NELL1: variants seen among roughly 807,000 people sequenced by gnomAD.
NELL1 encodes the protein neural EGFL like 1, also known as protein kinase C-binding protein NELL1.
A neutral mutation model predicts 107.4 loss-of-function variants in NELL1; 76 were observed. The observed-to-expected ratio is 0.71, with a 90% confidence interval of 0.59 to 0.86. The LOEUF is 0.86. Among genes scored for constraint, NELL1 ranks in the 40% least tolerant of loss-of-function variants. The pLI, the probability that NELL1 is intolerant of heterozygous loss-of-function variation, is 0.00. For missense variants in NELL1, 1,024 were observed against 1,005.5 expected, an observed-to-expected ratio of 1.02 and a Z score of -0.25; for synonymous variants, 353 against 341.2, an observed-to-expected ratio of 1.03 and a Z score of -0.38.
intron 12 of NELL1, among the ~76,000 whole-genome samples, chr11:20,967,242 C>T (rs577423493): frequency 6.6e-6 from 1 of 152,068 alleles, no homozygotes; most frequent in Non-Finnish European, 1.5e-5. Flanking sequence ...TCTGTGGAAA[C>T]AAGACCCTGC....
At chr11:20,814,151 A>ACCG (rs1438903008) in intron 3 of NELL1, among the ~76,000 whole-genome samples, 2 of 151,810 alleles carry the variant, frequency 1.3e-5, no homozygotes, top group South Asian at 2.1e-4. Context: ...GCACACCGCC[A>ACCG]CGCCCGGCTA....
intron 13 of NELL1, among the ~76,000 whole-genome samples, chr11:21,203,955 T>C (rs1857330889): frequency 1.3e-5 from 2 of 152,206 alleles, no homozygotes; most frequent in Admixed American, 6.5e-5. Context: ...TCTTCTAGCT[T>C]GTAGGGTTTC....
intron 11 of NELL1, among the ~76,000 whole-genome samples, chr11:20,949,764 G>C (rs1337828339): frequency 1.3e-5 from 2 of 152,196 alleles, no homozygotes; most frequent in Non-Finnish European, 2.9e-5. Flanking sequence ...CCCGTTGCTA[G>C]CAAGCAGTGG....
At chr11:21,107,509 T>C (rs898347428) in intron 12 of NELL1, among the ~76,000 whole-genome samples, 12 of 152,168 alleles carry the variant, frequency 7.9e-5, no homozygotes, top group African/African-American at 2.9e-4. Context: ...GCTATGCTTT[T>C]GTGTGGATAT....
chr11:20,858,002 G>A (rs1313573987), intron 4 of NELL1, among the ~76,000 whole-genome samples: 1 of 152,102 alleles, frequency 6.6e-6, no homozygotes, highest in Non-Finnish European at 1.5e-5. Flanking sequence ...GTAACAGGAC[G>A]GGCTACAGTT....
chr11:20,947,440 G>T lies in NELL1; in HGVS notation c.1171+5G>T. On this transcript the variant is annotated splice_donor_5th_base_variant and intron_variant, in intron 11 of 19. Coordinates refer to ENST00000357134, the MANE Select transcript of NELL1 (RefSeq NM_006157.5). Reference sequence around the variant, plus strand: ...AGTGCTGCCGTGTCTGTAGAGGTAAGTGGGCTTGGTGGTGGGCCATGCGTG... The same window carrying T: ...AGTGCTGCCGTGTCTGTAGAGGTAATTGGGCTTGGTGGTGGGCCATGCGTG... 1 of 1,611,526 alleles carries T rather than the reference G, an allele frequency of 6.2e-7. No homozygotes were observed. The highest frequency in any genetic ancestry group is 1.1e-5 in the South Asian group (1 of 91,012).
intron 13 of NELL1, among the ~76,000 whole-genome samples, chr11:21,212,947 T>C (rs1387559724): frequency 1.3e-5 from 2 of 152,216 alleles, no homozygotes; most frequent in Admixed American, 6.5e-5. Flanking sequence ...CATAATTTTC[T>C]ATGTAGAAAA....
At chr11:21,175,262 G>T (rs952376441) in intron 13 of NELL1, among the ~76,000 whole-genome samples, 1 of 151,638 alleles carries the variant, frequency 6.6e-6, no homozygotes, top group African/African-American at 2.4e-5. Flanking sequence ...TTGTTTGTTT[G>T]GTGTCTGGGC....
intron 12 of NELL1, among the ~76,000 whole-genome samples, chr11:21,105,066 G>A (rs1287317659): frequency 6.6e-6 from 1 of 152,036 alleles, no homozygotes; most frequent in Non-Finnish European, 1.5e-5. Context: ...GAATTTGGGG[G>A]GGACACAGTT....
At chr11:21,276,123 A>G (rs1848851283) in intron 14 of NELL1, among the ~76,000 whole-genome samples, 1 of 152,216 alleles carries the variant, frequency 6.6e-6, no homozygotes, top group African/African-American at 2.4e-5. Context: ...CCCTGTTTGC[A>G]GATGACATGA....
At chr11:21,073,910 T>C (rs1466765670) in intron 12 of NELL1, among the ~76,000 whole-genome samples, 1 of 152,162 alleles carries the variant, frequency 6.6e-6, no homozygotes, top group Non-Finnish European at 1.5e-5. Context: ...TTAAAGAGGC[T>C]TCTTTTAGGC....
At chr11:20,992,708 C>CTTTTTT (rs1852001374) in intron 12 of NELL1, among the ~76,000 whole-genome samples, 1 of 104,946 alleles carries the variant, frequency 9.5e-6, no homozygotes, top group Admixed American at 1.0e-4. Context: ...GCAAAAGTGG[C>CTTTTTT]ATTTTTTTTT....
chr11:21,203,525 G>A (rs934947915), intron 13 of NELL1, among the ~76,000 whole-genome samples: 1 of 150,396 alleles, frequency 6.6e-6, no homozygotes, highest in African/African-American at 2.4e-5. Flanking sequence ...CATGTGATGG[G>A]TCTCCTGAAT....
chr11:20,837,582 G>T (rs1421993612), intron 3 of NELL1, among the ~76,000 whole-genome samples: 3 of 152,064 alleles, frequency 2.0e-5, no homozygotes, highest in Non-Finnish European at 1.5e-5. Context: ...TTGATTTTAG[G>T]ATTGGGTCAG....
intron 12 of NELL1, among the ~76,000 whole-genome samples, chr11:21,097,753 CAG>C (rs1176088197): frequency 6.6e-6 from 1 of 152,096 alleles, no homozygotes; most frequent in Non-Finnish European, 1.5e-5. Context: ...AAGAGAAACT[CAG>C]AAAGATTTAT....
At chr11:21,068,534 C>G (rs1220055419) in intron 12 of NELL1, among the ~76,000 whole-genome samples, 1 of 152,174 alleles carries the variant, frequency 6.6e-6, no homozygotes, top group Non-Finnish European at 1.5e-5. Flanking sequence ...CTATATTAGT[C>G]TGATTCTTAC....
intron 2 of NELL1, among the ~76,000 whole-genome samples, chr11:20,748,496 C>T (rs1312666677): frequency 6.6e-6 from 1 of 151,894 alleles, no homozygotes; most frequent in Non-Finnish European, 1.5e-5. Flanking sequence ...TTTAGTGTAC[C>T]CATCATCTGA....
intron 14 of NELL1, among the ~76,000 whole-genome samples, chr11:21,278,028 C>T (rs891763493): frequency 5.0e-5 from 7 of 139,522 alleles, no homozygotes; most frequent in African/African-American, 1.8e-4. Flanking sequence ...TGCACATGTA[C>T]CCTAAAACTT....
At chr11:20,836,058 T>G in intron 3 of NELL1, among the ~76,000 whole-genome samples, 1 of 152,090 alleles carries the variant, frequency 6.6e-6, no homozygotes, top group African/African-American at 2.4e-5. Context: ...CCAACATATA[T>G]AAGAACAATT....
Sources: allele counts gnomAD v4.1 joint callset (sites outside exome capture counted in the v4.1 genomes callset), GRCh38; gene constraint gnomAD v4.1.1; transcripts MANE v1.5; gene names NCBI Gene and HGNC (gene_info 2026-07-23, HGNC 2026-07-21).